SOX5: variants seen among roughly 807,000 people sequenced by gnomAD.
SOX5 encodes the protein SRY-box transcription factor 5.
SOX5 carries 9 observed loss-of-function variants against 92.0 expected under a neutral mutation model. That is an observed-to-expected ratio of 0.10 (90% CI 0.06 to 0.17). The LOEUF is 0.17. Among genes scored for constraint, SOX5 ranks in the 10% least tolerant of loss-of-function variants. The pLI is 1.00. For missense variants in SOX5, 642 were observed against 944.5 expected (o/e 0.68, Z 4.20); for synonymous variants, 344 against 336.3 (o/e 1.02, Z -0.25).
intron 1 of SOX5, among the ~76,000 whole-genome samples, chr12:24,477,446 A>C (rs1945519762): frequency 6.6e-6 from 1 of 151,964 alleles, no homozygotes; most frequent in African/African-American, 2.4e-5. Flanking sequence ...CTTTTTTTAC[A>C]TTGCTATATG....
intron 2 of SOX5, among the ~76,000 whole-genome samples, chr12:24,279,569 T>C (rs900004458): frequency 3.9e-5 from 6 of 152,140 alleles, no homozygotes; most frequent in African/African-American, 1.4e-4. Flanking sequence ...ACTGGCATGA[T>C]ACCACAATGA....
In SOX5 at chr12:23,926,475, G is replaced by A. The variant is rs147033370; in HGVS notation, c.38+23089C>T. ...TAGTATATTTTTAATCAATGTTCCTGTGAGGACACCTGAACTTATGGATTA... is the reference window on the plus strand; with the variant it reads ...TAGTATATTTTTAATCAATGTTCCTATGAGGACACCTGAACTTATGGATTA... On this transcript the variant is annotated intron_variant, in intron 1 of 14. Transcript: ENST00000451604. Among the ~76,000 whole-genome samples, 16 of 152,120 alleles carry A rather than the reference G, an allele frequency of 1.1e-4. No individual in the cohort carries two copies. The East Asian group carries it at 2.9e-3, about 28-fold the overall frequency.
intron 8 of SOX5, among the ~76,000 whole-genome samples, chr12:23,610,803 A>G (rs1316574468): frequency 6.6e-6 from 1 of 152,152 alleles, no homozygotes; most frequent in Admixed American, 6.6e-5. Context: ...AGTCATAATC[A>G]TAACAGTAAC....
chr12:23,591,108 A>T (rs192932627), intron 9 of SOX5, among the ~76,000 whole-genome samples: 52 of 152,156 alleles, frequency 3.4e-4, no homozygotes, highest in Non-Finnish European at 8.8e-5. Context: ...AATTCTAAAA[A>T]AATATATAGT....
chr12:24,204,155 A>C (rs1156731169), intron 4 of SOX5, among the ~76,000 whole-genome samples: 4 of 152,024 alleles, frequency 2.6e-5, no homozygotes, highest in Non-Finnish European at 4.4e-5. Context: ...AGATACATAC[A>C]TACTTTCTTA....
intron 4 of SOX5, among the ~76,000 whole-genome samples, chr12:24,142,489 C>G (rs1356016266): frequency 6.6e-6 from 1 of 152,060 alleles, no homozygotes; most frequent in African/African-American, 2.4e-5. Context: ...CTATAATGCG[C>G]AATTTGTGGG....
At chr12:24,533,834 T>C (rs765489190) in intron 1 of SOX5, among the ~76,000 whole-genome samples, 15 of 152,200 alleles carry the variant, frequency 9.9e-5, no homozygotes, top group Non-Finnish European at 1.9e-4. Flanking sequence ...GCATTCTGTA[T>C]TATGGTTCCA....
intron 1 of SOX5, among the ~76,000 whole-genome samples, chr12:24,553,567 C>T (rs188316638): frequency 1.7e-4 from 26 of 152,260 alleles, no homozygotes; most frequent in African/African-American, 5.8e-4. Flanking sequence ...AATTCAATGC[C>T]CTCAGGGAGC....
At chr12:24,475,216 T>G (rs1236028062) in intron 1 of SOX5, among the ~76,000 whole-genome samples, 3 of 152,218 alleles carry the variant, frequency 2.0e-5, no homozygotes, top group African/African-American at 7.2e-5. Context: ...AGTTCTACAC[T>G]TCATTTGAAA....
chr12:24,482,151 G>A (rs1253885279), intron 1 of SOX5, among the ~76,000 whole-genome samples: 1 of 152,140 alleles, frequency 6.6e-6, no homozygotes, highest in East Asian at 1.9e-4. Context: ...GGCAACAGGA[G>A]AAGTAGCTAG....
intron 3 of SOX5, among the ~76,000 whole-genome samples, chr12:24,275,488 C>G (rs992987362): frequency 6.6e-6 from 1 of 151,650 alleles, no homozygotes; most frequent in African/African-American, 2.4e-5. Flanking sequence ...TTTTAAATAC[C>G]AAATATCAAA....
chr12:24,193,529 A>G (rs751387572), intron 4 of SOX5, among the ~76,000 whole-genome samples: 2 of 152,226 alleles, frequency 1.3e-5, no homozygotes, highest in African/African-American at 2.4e-5. Context: ...ACATTTTAAT[A>G]GAAAATGTAG....
intron 1 of SOX5, among the ~76,000 whole-genome samples, chr12:23,917,217 G>C (rs2097425814): frequency 6.6e-6 from 1 of 152,052 alleles, no homozygotes; most frequent in Non-Finnish European, 1.5e-5. Flanking sequence ...AAGCATTATT[G>C]AGAGAAGGTA....
At chr12:23,822,696 T>C (rs2096144142) in intron 3 of SOX5, among the ~76,000 whole-genome samples, 1 of 152,156 alleles carries the variant, frequency 6.6e-6, no homozygotes, top group African/African-American at 2.4e-5. Context: ...GTCTTGTTGA[T>C]CTAATATTGA....
chr12:24,138,458 T>C (rs944369320), intron 4 of SOX5, among the ~76,000 whole-genome samples: 23 of 152,376 alleles, frequency 1.5e-4, no homozygotes, highest in East Asian at 1.9e-4. Context: ...TCCAGATTTC[T>C]TTGCTAACAT....
intron 2 of SOX5, among the ~76,000 whole-genome samples, chr12:24,284,322 G>A (rs1206225091): frequency 1.3e-5 from 2 of 152,050 alleles, no homozygotes; most frequent in African/African-American, 4.8e-5. Context: ...GATCCCTGGA[G>A]GTCAAGTTTC....
chr12:23,759,522 TCTA>T (rs2094506643), intron 3 of SOX5, among the ~76,000 whole-genome samples: 1 of 152,016 alleles, frequency 6.6e-6, no homozygotes, highest in African/African-American at 2.4e-5. Context: ...CATTCAATAC[TCTA>T]CTAACTGCTA....
At chr12:24,227,800 C>T (rs1962417134) in intron 3 of SOX5, 1 of 152,154 alleles carries the variant, frequency 6.6e-6, no homozygotes, top group South Asian at 2.1e-4. Context: ...GTACTGTCAT[C>T]TCAAATCCTT....
At chr12:23,853,347 T>C (rs986906267) in intron 2 of SOX5, among the ~76,000 whole-genome samples, 5 of 151,596 alleles carry the variant, frequency 3.3e-5, no homozygotes, top group African/African-American at 1.2e-4. Context: ...TTAGATCTCA[T>C]TTACAATATG....
Sources: gnomAD v4.1 joint callset for allele counts (sites outside exome capture counted in the v4.1 genomes callset) on GRCh38, gnomAD v4.1.1 for gene constraint, MANE v1.5 for transcripts, NCBI Gene and HGNC (gene_info 2026-07-23, HGNC 2026-07-21) for gene names.